Variants in HSD11B1 observed in about 807,000 individuals in gnomAD.
HSD11B1 encodes 11-beta-hydroxysteroid dehydrogenase 1.
A neutral mutation model predicts 22.1 loss-of-function variants in HSD11B1; 15 were observed. The observed-to-expected ratio is 0.68, with a 90% CI of 0.45 to 1.04. The LOEUF (loss-of-function observed/expected upper bound fraction) is 1.04, where lower values mean the gene tolerates loss of function less well. Ranked by LOEUF, HSD11B1 falls within the 50% of genes least tolerant of loss-of-function variation. HSD11B1 has a pLI of 0.00. For missense variants in HSD11B1, 281 were observed against 357.6 expected, an observed-to-expected ratio of 0.79 and a Z score of 1.73; for synonymous variants, 122 against 125.2, an observed-to-expected ratio of 0.97 and a Z score of 0.17.
chr1:209,703,035 A>AT (rs2076834490), upstream of HSD11B1, among the ~76,000 whole-genome samples: 1 of 152,184 alleles, frequency 6.6e-6, no homozygotes, highest in African/African-American at 2.4e-5. Flanking sequence ...GTTGGACTTC[A>AT]TTTTTTAATG....
chr1:209,719,149 G>A (rs147193167), intron 4 of HSD11B1, among the ~76,000 whole-genome samples: 1 of 152,106 alleles, frequency 6.6e-6, no homozygotes, highest in East Asian at 1.9e-4. Context: ...AGCAACCCAA[G>A]TGTCTATCAG....
chr1:209,725,292 A>G (rs988469342), intron 4 of HSD11B1, among the ~76,000 whole-genome samples: 2 of 152,216 alleles, frequency 1.3e-5, no homozygotes, highest in African/African-American at 4.8e-5. Flanking sequence ...AAAAAATACA[A>G]TAAACTTTGC....
intron 4 of HSD11B1, among the ~76,000 whole-genome samples, chr1:209,728,163 T>TA (rs2077014894): frequency 6.6e-6 from 1 of 152,234 alleles, no homozygotes; most frequent in Non-Finnish European, 1.5e-5. Context: ...TTTCATGCTT[T>TA]AAAAAGTATC....
chr1:209,729,363 AACACACACACACAC>A (rs34574844), intron 4 of HSD11B1, among the ~76,000 whole-genome samples: 1 of 146,340 alleles, frequency 6.8e-6, no homozygotes, highest in Non-Finnish European at 1.5e-5. Flanking sequence ...TGCCTCGGAA[AACACACACACACAC>A]ACACACACAC....
chr1:209,732,232 T>A (rs969672228), intron 4 of HSD11B1, among the ~76,000 whole-genome samples: 6 of 152,180 alleles, frequency 3.9e-5, no homozygotes, highest in African/African-American at 1.2e-4. Context: ...ATGAAGGCTG[T>A]CCTGCAGCCC....
chr1:209,726,623 C>T (rs2077004397), intron 4 of HSD11B1, among the ~76,000 whole-genome samples: 1 of 152,116 alleles, frequency 6.6e-6, no homozygotes, highest in East Asian at 1.9e-4. Context: ...TTAAACCATA[C>T]AAGCATCCAT....
rs576149616 is a variant in HSD11B1, at chr1:209,698,336, A to G, written c.-48-6559A>G. 8.9e-4 allele frequency among the ~76,000 whole-genome samples: 136 copies of G among 152,322 alleles called. 1 individual carries two copies. The highest frequency in any genetic ancestry group is 3.1e-3 in the African/African-American group (127 of 41,564). ...ATTTAACTGGGCATTCTGTATTTCT[A>G]TTTGCTAAATCTGGCAACCCTATGT... is the stretch of plus-strand genomic sequence containing the variant. On this transcript the variant is annotated intron_variant, in intron 1 of 6. Transcript: ENST00000261465.
At chr1:209,705,384 A>AC (rs1491146644) in intron 1 of HSD11B1, among the ~76,000 whole-genome samples, 1 of 151,998 alleles carries the variant, frequency 6.6e-6, no homozygotes, top group Non-Finnish European at 1.5e-5. Context: ...AAAAAAAAAA[A>AC]AAAAAAAACT....
chr1:209,692,449 A>G lies in HSD11B1; in HGVS notation c.-49+6164A>G, dbSNP rs545989796. Among the ~76,000 whole-genome samples the G allele has an allele frequency of 2.6e-5, 4 of 152,170 alleles. No homozygotes were observed. In the East Asian group the frequency reaches 7.7e-4, roughly 29 times the overall value. Reference sequence around the variant, plus strand: ...CAGGATGGTGACTGGTGGATGGAAAATTTCTAAGAGGAAACATCAAGGTTG... The same window carrying G: ...CAGGATGGTGACTGGTGGATGGAAAGTTTCTAAGAGGAAACATCAAGGTTG... On this transcript the variant is annotated intron_variant, in intron 1 of 6. Coordinates refer to the HSD11B1 transcript ENST00000261465.
rs371133839 is a variant in HSD11B1, at chr1:209,734,379, T to C, written c.737T>C (p.Ile246Thr). The C allele has an allele frequency of 2.5e-6, 4 of 1,613,940 alleles. No individual in the cohort carries two copies. In the African/African-American group the frequency reaches 5.3e-5, roughly 22 times the overall value. Reference sequence around the variant, plus strand: ...AAGGAGGAATGTGCCCTGGAGATCATCAAAGGGGGAGCTCTGCGCCAAGAA... The same window carrying C: ...AAGGAGGAATGTGCCCTGGAGATCACCAAAGGGGGAGCTCTGCGCCAAGAA... ...APKEECALEI[I>T]KGGALRQEEV... The change falls in exon 6 of 6, where the codon ATC becomes ACC. Residue 246 changes from isoleucine to threonine, a missense_variant. By Grantham distance (89) the Ile-to-Thr change is moderately conservative. Coordinates refer to ENST00000367027, the MANE Select transcript of HSD11B1 (RefSeq NM_005525.4).
chr1:209,706,621 T>A lies in HSD11B1; in HGVS notation c.220-88T>A. ...CTTACCTAAACAGGGCTGTGAGCAA[T>A]CTCTCATTTAAGCCCCCCGTTACTT... On this transcript the variant is annotated intron_variant, in intron 2 of 5. Coordinates refer to ENST00000367027, the MANE Select transcript of HSD11B1 (RefSeq NM_005525.4). This position sits in a 1 kb window ranked among gnomAD's most constrained non-coding sequence, Gnocchi z 4.0. 1.2e-6 allele frequency: 1 copy of A among 846,996 alleles called. No homozygotes were observed. Among genetic ancestry groups the A allele is most frequent in the Admixed American group, 1.7e-5 (1 of 59,028 alleles). 52.5% of individuals were successfully genotyped at this position (846,996 alleles called of 1,614,324 possible).
chr1:209,713,557 T>G (rs980118257), intron 4 of HSD11B1, among the ~76,000 whole-genome samples: 1 of 152,200 alleles, frequency 6.6e-6, no homozygotes, highest in East Asian at 1.9e-4. Flanking sequence ...TATAATCATA[T>G]ACACACACCC....
chr1:209,730,699 T>G (rs2077030290), intron 4 of HSD11B1, among the ~76,000 whole-genome samples: 1 of 152,244 alleles, frequency 6.6e-6, no homozygotes, highest in Non-Finnish European at 1.5e-5. Context: ...GTTAATTTTT[T>G]CCAATAAGTT....
intron 1 of HSD11B1, 85 bp from the exon 2 acceptor site, chr1:209,705,726 G>A (rs951931383): frequency 3.3e-5 from 51 of 1,550,394 alleles, no homozygotes; most frequent in Admixed American, 5.0e-5. Context: ...TACAAATTGC[G>A]ATAAGCATGC....
chr1:209,713,795 G>A (rs1257616303), intron 4 of HSD11B1, among the ~76,000 whole-genome samples: 1 of 152,174 alleles, frequency 6.6e-6, no homozygotes, highest in Non-Finnish European at 1.5e-5. Context: ...TTTTAAAAGT[G>A]TGTATGTGTT....
Position 209,709,555 on chromosome 1 carries a change from C to T in HSD11B1, c.517+2427C>T, listed in dbSNP as rs11811440. On this transcript the variant is annotated intron_variant, in intron 4 of 5. Coordinates refer to ENST00000367027, the MANE Select transcript of HSD11B1 (RefSeq NM_005525.4). ...AATTTATTTATCTCACACAAAACAC[C>T]CTGGAAAGGCAGTCCAGGGCTGATA... Among the ~76,000 whole-genome samples, 4 of 151,876 alleles carry T rather than the reference C, an allele frequency of 2.6e-5. No individual in the cohort carries two copies. In the East Asian group the frequency reaches 7.7e-4, roughly 29 times the overall value.
chr1:209,730,403 A>G (rs2077028454), intron 4 of HSD11B1, among the ~76,000 whole-genome samples: 1 of 152,252 alleles, frequency 6.6e-6, no homozygotes. Context: ...AGAAGGGCAA[A>G]ATGTAAAAGT....
chr1:209,701,803 T>C (rs1248299752), upstream of HSD11B1, among the ~76,000 whole-genome samples: 1 of 152,208 alleles, frequency 6.6e-6, no homozygotes, highest in Non-Finnish European at 1.5e-5. Flanking sequence ...CCATCTCCTA[T>C]CAGTCTCCCC....
intron 4 of HSD11B1, among the ~76,000 whole-genome samples, chr1:209,726,631 C>A (rs1488337812): frequency 6.6e-6 from 1 of 152,140 alleles, no homozygotes; most frequent in African/African-American, 2.4e-5. Context: ...TACAAGCATC[C>A]ATGTCATGAA....
Sources: gnomAD v4.1 joint callset for allele counts (sites outside exome capture counted in the v4.1 genomes callset) on GRCh38, gnomAD v4.1.1 for gene constraint, Gnocchi (gnomAD v3.1) non-coding constraint, MANE v1.5 for transcripts, NCBI Gene and HGNC (gene_info 2026-07-23, HGNC 2026-07-21) for gene names.